Variants in MED9 observed in about 807,000 individuals in gnomAD.
MED9 encodes the protein mediator complex subunit 9.
Under a neutral mutation model 13.2 loss-of-function variants are expected in MED9, and 8 were observed. The observed-to-expected ratio is 0.61, with a 90% CI of 0.36 to 1.10. The LOEUF (loss-of-function observed/expected upper bound fraction) is 1.10. MED9 is among the 50% of genes least tolerant of loss of function. The pLI is 0.02. For missense variants in MED9, 180 were observed against 193.4 expected (o/e 0.93, Z 0.41); for synonymous variants, 87 against 82.8 (o/e 1.05, Z -0.28).
At position 17,477,033 on chromosome 17, in the gene MED9, C is replaced by G; in HGVS notation, c.-9C>G. ...CGACCCGACCTCTGGCTAACCTACC[C>G]CCGGAGCCATGGCCTCTGCTGGGGT... is the stretch of plus-strand genomic sequence containing the variant. On this transcript the variant is annotated 5_prime_UTR_variant, in exon 1 of 2. Transcript: ENST00000268711. 1 of 1,604,940 alleles carries G rather than the reference C, an allele frequency of 6.2e-7. No individual in the cohort carries two copies. Among genetic ancestry groups the G allele is most frequent in the East Asian group, 2.2e-5 (1 of 44,844 alleles).
Position 17,491,381 on chromosome 17 carries a change from G to C in MED9, c.327G>C (p.Leu109=). 6.2e-7 allele frequency: 1 copy of C among 1,613,992 alleles called. No individual in the cohort carries two copies. Among genetic ancestry groups the C allele is most frequent in the South Asian group, 1.1e-5 (1 of 91,090 alleles). ...KLISTMPGIH[L]SPEQQQQQLQ... ...TCAGCACCATGCCCGGCATCCACCTGAGCCCCGAACAGCAGCAGCAGCAGC... is the reference window on the plus strand; with the variant it reads ...TCAGCACCATGCCCGGCATCCACCTCAGCCCCGAACAGCAGCAGCAGCAGC... The change falls in exon 2 of 2, where the codon CTG becomes CTC. Residue 109 remains leucine, a synonymous_variant. Transcript: ENST00000268711.
intron 1 of MED9, among the ~76,000 whole-genome samples, chr17:17,489,992 T>A (rs1858420752): frequency 6.6e-6 from 1 of 152,264 alleles, no homozygotes; most frequent in Non-Finnish European, 1.5e-5. Flanking sequence ...CCACTACGGA[T>A]GAACATTTAT....
Position 17,477,253 on chromosome 17 carries a change from A to T in MED9, c.212A>T (p.Asn71Ile). The change falls in exon 1 of 2, where the codon AAC (asparagine) becomes ATC (isoleucine). Residue 71 changes from asparagine to isoleucine, a missense_variant. Asn to Ile is a moderately radical substitution (Grantham distance 149). Coordinates refer to ENST00000268711, the MANE Select transcript of MED9 (RefSeq NM_018019.3). The part of the protein sequence containing the change: ...ENYSFLPLVH[N>I]IIKCMDKDSP... ...TACTCCTTTTTACCTTTGGTTCACA[A>T]CATCATCAAATGGTAAGAACCTAGG... is the stretch of plus-strand genomic sequence containing the variant. 6.3e-7 allele frequency: 1 copy of T among 1,597,860 alleles called. No individual in the cohort carries two copies.
chr17:17,478,910 G>A (rs1179064293), intron 1 of MED9, among the ~76,000 whole-genome samples: 2 of 151,776 alleles, frequency 1.3e-5, no homozygotes, highest in African/African-American at 2.4e-5. Flanking sequence ...TTCAGTTTTC[G>A]TGAGCCTGTG....
At chr17:17,480,144 G>C (rs1183235739) in intron 1 of MED9, among the ~76,000 whole-genome samples, 1 of 152,150 alleles carries the variant, frequency 6.6e-6, no homozygotes, top group Non-Finnish European at 1.5e-5. Flanking sequence ...GAATAAGCCA[G>C]AGAGTACCTT....
rs1018400683 is a variant in MED9 at position 17,492,390 on chromosome 17, C to G, written c.*895C>G. ...GGTTAAAAGGTCTTTCCCTCGTGGCCTTTGCACTTGCGGCAGCAACGTGTA... is the reference window on the plus strand; with the variant it reads ...GGTTAAAAGGTCTTTCCCTCGTGGCGTTTGCACTTGCGGCAGCAACGTGTA... On this transcript the variant is annotated 3_prime_UTR_variant, in exon 2 of 2. Transcript: ENST00000268711. 1 of 152,320 alleles carries G rather than the reference C, an allele frequency of 6.6e-6. No individual in the cohort carries two copies. The highest frequency in any genetic ancestry group is 2.4e-5 in the African/African-American group (1 of 41,472). 9.4% of individuals were successfully genotyped at this position (152,320 alleles called of 1,614,324 possible). A position where few individuals can be genotyped will look rare whatever the true frequency, so the allele number is the denominator to read the frequency against.
chr17:17,484,141 G>A (rs982172385), intron 1 of MED9, among the ~76,000 whole-genome samples: 3 of 152,230 alleles, frequency 2.0e-5, no homozygotes, highest in African/African-American at 4.8e-5. Flanking sequence ...TTGAATCTGA[G>A]TTTGGAATGA....
Position 17,491,920 on chromosome 17 carries a change from G to A in MED9, c.*425G>A. The A allele has an allele frequency of 4.1e-6, 1 of 243,652 alleles. No individual in the cohort carries two copies. 15.1% of individuals were successfully genotyped at this position (243,652 alleles called of 1,614,324 possible). On this transcript the variant is annotated 3_prime_UTR_variant, in exon 2 of 2. Coordinates refer to ENST00000268711, the MANE Select transcript of MED9 (RefSeq NM_018019.3). ...CCTCCCACCCCCATAGGATCAGTGT[G>A]TACCAGGTACACATTGTTCCTGTTA... is the stretch of plus-strand genomic sequence containing the variant.
chr17:17,487,645 A>C (rs902974936), intron 1 of MED9: 1 of 178,456 alleles, frequency 5.6e-6, no homozygotes, highest in Non-Finnish European at 1.1e-5. Context: ...AAGAGCTGTA[A>C]CACTCACTGT....
At chr17:17,491,214 T>G (rs1039635940) in intron 1 of MED9, 65 bp from the exon 2 acceptor site, 88 of 1,413,374 alleles carry the variant, frequency 6.2e-5, no homozygotes, top group Admixed American at 3.0e-4. Context: ...CTCTAGGGGG[T>G]GCAGGGCAGG....
rs533391844 is a variant in MED9, at chr17:17,477,706, C to T, written c.224+441C>T. 19 of 158,018 alleles carry T rather than the reference C, an allele frequency of 1.2e-4. No individual in the cohort carries two copies. In the East Asian group the frequency reaches 3.4e-3, roughly 28 times the overall value. 9.8% of individuals were successfully genotyped at this position (158,018 alleles called of 1,614,324 possible). A position where few individuals can be genotyped will look rare whatever the true frequency, so the allele number is the denominator to read the frequency against. ...GCAGTAAAAGGGGCCAACTTTTCACCCCCAAAGGTTTAGATAGAAGGAAAA... is the reference window on the plus strand; with the variant it reads ...GCAGTAAAAGGGGCCAACTTTTCACTCCCAAAGGTTTAGATAGAAGGAAAA... On this transcript the variant is annotated intron_variant, in intron 1 of 1. Coordinates refer to ENST00000268711, the MANE Select transcript of MED9 (RefSeq NM_018019.3).
chr17:17,485,270 CAA>C (rs201356998), intron 1 of MED9: 4 of 395,286 alleles, frequency 1.0e-5, no homozygotes, highest in Non-Finnish European at 1.8e-5. Context: ...TGTAAAAATA[CAA>C]AAAAAAATTT....
chr17:17,478,266 C>T (rs1431176582), intron 1 of MED9, among the ~76,000 whole-genome samples: 1 of 152,188 alleles, frequency 6.6e-6, no homozygotes, highest in Admixed American at 6.5e-5. Context: ...TAGGTGTAAA[C>T]CCCTAGGCTT....
chr17:17,483,372 G>A lies in MED9; in HGVS notation c.224+6107G>A, dbSNP rs1017242200. Among the ~76,000 whole-genome samples the A allele has an allele frequency of 1.3e-5, 2 of 152,166 alleles. No individual in the cohort carries two copies. The highest frequency in any genetic ancestry group is 4.8e-5 in the African/African-American group (2 of 41,422). ...AATAACCCAACACAAAGCCCACAGA[G>A]GGTCCTCTTGCTGCAGGTGCTGTTG... On this transcript the variant is annotated intron_variant, in intron 1 of 1. Transcript: ENST00000268711. This position sits in a 1 kb window ranked among gnomAD's most constrained non-coding sequence, Gnocchi z 4.2.
intron 1 of MED9, among the ~76,000 whole-genome samples, chr17:17,490,377 G>A (rs1905207918): frequency 6.6e-6 from 1 of 152,248 alleles, no homozygotes; most frequent in Non-Finnish European, 1.5e-5. Flanking sequence ...GGGAGGTGGA[G>A]GTTGCAGTGA....
At chr17:17,487,278 A>T (rs1247568676) in intron 1 of MED9, 1 of 152,360 alleles carries the variant, frequency 6.6e-6, no homozygotes, top group Middle Eastern at 3.2e-3. Context: ...AGAGAATAAA[A>T]GCAGGCTGCC....
At chr17:17,479,203 C>G (rs983832590) in intron 1 of MED9, among the ~76,000 whole-genome samples, 4 of 152,208 alleles carry the variant, frequency 2.6e-5, no homozygotes, top group Non-Finnish European at 5.9e-5. Flanking sequence ...GTGTTCAAAT[C>G]TGTGTACTGA....
chr17:17,488,236 GGAA>G (rs1905171137), intron 1 of MED9: 1 of 152,322 alleles, frequency 6.6e-6, no homozygotes, highest in Admixed American at 6.5e-5. Context: ...GAAGTTGTGA[GGAA>G]GAAGAAATGG....
At chr17:17,491,206 C>G (rs1420608314) in intron 1 of MED9, 73 bp from the exon 2 acceptor site, 6 of 1,382,722 alleles carry the variant, frequency 4.3e-6, no homozygotes, top group Non-Finnish European at 6.1e-6. Flanking sequence ...ACAGCCAGCT[C>G]TAGGGGGTGC....
Sources: gnomAD v4.1 joint callset for allele counts (sites outside exome capture counted in the v4.1 genomes callset) on GRCh38, gnomAD v4.1.1 for gene constraint, Gnocchi (gnomAD v3.1) non-coding constraint, MANE v1.5 for transcripts, NCBI Gene and HGNC (gene_info 2026-07-23, HGNC 2026-07-21) for gene names.